Variants in MICALL2 observed in about 807,000 individuals in gnomAD.
The protein encoded by MICALL2 is MICAL like 2.
A neutral mutation model predicts 91.1 loss-of-function variants in MICALL2; 111 were observed. The observed-to-expected ratio is 1.22, with a 90% confidence interval of 1.04 to 1.43. The LOEUF is 1.43. MICALL2 is among the 40% of genes most tolerant of loss of function. The probability of loss-of-function intolerance (pLI) is 0.00; values close to 1 mark genes in which losing one functional copy is unlikely to be tolerated. For synonymous variants in MICALL2, 694 were observed against 525.3 expected, an observed-to-expected ratio of 1.32 and a Z score of -4.39; for missense variants, 1,556 against 1,236.0, an observed-to-expected ratio of 1.26 and a Z score of -3.88.
intron 15 of MICALL2, among the ~76,000 whole-genome samples, chr7:1,435,893 T>A (rs949255366): frequency 6.6e-6 from 1 of 150,706 alleles, no homozygotes; most frequent in Non-Finnish European, 1.5e-5. Flanking sequence ...CTACTAAAAA[T>A]CTAAAAAAAT....
intron 7 of MICALL2, 67 bp from the exon 8 acceptor site, chr7:1,440,751 G>C: frequency 2.2e-6 from 3 of 1,363,748 alleles, no homozygotes; most frequent in Non-Finnish European, 3.1e-6. Context: ...TGCAAGGGTG[G>C]CTGTGCCTCC....
intron 4 of MICALL2, among the ~76,000 whole-genome samples, 190 bp from the exon 5 acceptor site, chr7:1,447,018 C>A (rs1176039329): frequency 6.6e-6 from 1 of 152,144 alleles, no homozygotes; most frequent in Non-Finnish European, 1.5e-5. Context: ...CTAGCCCAGC[C>A]CTGGGGAGAG....
intron 4 of MICALL2, 27 bp downstream of exon 4, chr7:1,447,548 C>G: frequency 8.2e-7 from 1 of 1,216,680 alleles, no homozygotes; most frequent in Non-Finnish European, 1.1e-6. Context: ...CCCAGAGAAC[C>G]AGGGGGAGGG....
intron 16 of MICALL2, 121 bp downstream of exon 16, chr7:1,434,980 T>TTCCCC: frequency 3.2e-5 from 20 of 628,904 alleles, no homozygotes; most frequent in Admixed American, 4.8e-5. Flanking sequence ...GGGGACCCGA[T>TTCCCC]ACCCGCCCCC....
At position 1,445,388 on chromosome 7, in the gene MICALL2, T is replaced by C. The variant is rs765566510; in HGVS notation, c.682A>G (p.Lys228Glu). ...AAGGTGCCCGGCTCTCCTGTGGCCT[T>C]GTAGGCCCCCGAGTGCAGCGTGCAG... Reference protein sequence around the residue: ...CSCTLHSGAYKATGEPGTFVC... With the variant: ...CSCTLHSGAYEATGEPGTFVC... Residue 228 changes from lysine to glutamate, a missense_variant, in exon 6 of 17, where the codon AAG becomes GAG. Lys to Glu is a moderately conservative substitution (Grantham distance 56, BLOSUM62 1). Transcript: ENST00000297508. 45 of 1,576,360 alleles carry C rather than the reference T, an allele frequency of 2.9e-5. No individual in the cohort carries two copies. In the Admixed American group the frequency reaches 7.0e-4, roughly 24 times the overall value.
chr7:1,436,836 C>G lies in MICALL2; in HGVS notation c.2497G>C (p.Glu833Gln). Residue 833 changes from glutamate to glutamine, a missense_variant, in exon 15 of 17, where the codon GAG becomes CAG. By Grantham distance (29) the Glu-to-Gln change is conservative. Coordinates refer to ENST00000297508, the MANE Select transcript of MICALL2 (RefSeq NM_182924.4). ...AGCAGCTCCTGCTCCCGCCGCCGCT[C>G]CTGCAGTGACTTCAGAGCCTCTGTG... ...AKPEALKSLQERRREQELLEQ... is the reference protein window; with the variant it reads ...AKPEALKSLQQRRREQELLEQ... The G allele has an allele frequency of 6.2e-7, 1 of 1,601,838 alleles. No homozygotes were observed. The highest frequency in any genetic ancestry group is 8.5e-7 in the Non-Finnish European group (1 of 1,175,838).
At position 1,459,425 on chromosome 7, in the gene MICALL2, A is replaced by C; in HGVS notation, c.-99T>G. 1 of 1,181,046 alleles carries C rather than the reference A, an allele frequency of 8.5e-7. No individual in the cohort carries two copies. Among genetic ancestry groups the C allele is most frequent in the East Asian group, 3.3e-5 (1 of 30,722 alleles). The allele number at this position is 1,181,046 out of a possible 1,614,324, so 73.2% of individuals were successfully genotyped here. A position where few individuals can be genotyped will look rare whatever the true frequency, so the allele number is the denominator to read the frequency against. On this transcript the variant is annotated 5_prime_UTR_variant, in exon 1 of 17. Transcript: ENST00000297508. ...CGGCGGGACAGACGCTGGGACCGCTACGGAACCGCCAGACCCACGGCGCCC... is the reference window on the plus strand; with the variant it reads ...CGGCGGGACAGACGCTGGGACCGCTCCGGAACCGCCAGACCCACGGCGCCC...
At chr7:1,446,022 G>A (rs545816923) in intron 5 of MICALL2, among the ~76,000 whole-genome samples, 34 of 148,138 alleles carry the variant, frequency 2.3e-4, no homozygotes, top group African/African-American at 8.0e-4. Context: ...CATCTTGACG[G>A]GGGCACTGGA....
At position 1,444,998 on chromosome 7, in the gene MICALL2, C is replaced by A; in HGVS notation, c.1072G>T (p.Ala358Ser). ...WSSAAPCTAA[A>S]ASHPAVPPSA... ...GGGGGCACGGCGGGATGGGAGGCAG[C>A]CGCTGCTGTGCACGGGGCAGCTGAC... The change falls in exon 6 of 17, where the codon GCT (alanine) becomes TCT (serine). Residue 358 changes from alanine to serine, a missense_variant. Physicochemically the swap from Ala to Ser is moderately conservative, Grantham distance 99. Transcript: ENST00000297508. The A allele has an allele frequency of 1.3e-6, 2 of 1,509,696 alleles. No homozygotes were observed. Among genetic ancestry groups the A allele is most frequent in the Non-Finnish European group, 8.9e-7 (1 of 1,127,338 alleles). 93.5% of individuals were successfully genotyped at this position (1,509,696 alleles called of 1,614,324 possible).
chr7:1,456,869 A>G (rs1009387027), intron 1 of MICALL2, among the ~76,000 whole-genome samples: 2 of 152,196 alleles, frequency 1.3e-5, no homozygotes, highest in Non-Finnish European at 2.9e-5. Flanking sequence ...TCCATCAGCC[A>G]GGGTCTACAG....
rs951416645 is a variant in MICALL2 at position 1,450,184 on chromosome 7, G to T, written c.192+56C>A. 1.7e-5 allele frequency: 25 copies of T among 1,461,996 alleles called. No individual in the cohort carries two copies. The African/African-American group carries it at 3.3e-4, about 19-fold the overall frequency. 90.6% of individuals were successfully genotyped at this position (1,461,996 alleles called of 1,614,324 possible). ...GAGTCCCTCGGTCCCTCGGACGTGG[G>T]TGGGGCTCAGCAGGCTGGCTAAGCC... is the stretch of plus-strand genomic sequence containing the variant. On this transcript the variant is annotated intron_variant, in intron 2 of 16. Transcript: ENST00000297508.
At position 1,447,687 on chromosome 7, in the gene MICALL2, G is replaced by T. The variant is rs144832180; in HGVS notation, c.413C>A (p.Ala138Glu). The change falls in exon 4 of 17, where the codon GCG becomes GAG. Residue 138 changes from alanine (A) to glutamate (E), a missense_variant. Coordinates refer to ENST00000297508, the MANE Select transcript of MICALL2 (RefSeq NM_182924.4). ...TGGGGCGGGCGAGGGCAGCTTGGCC[G>T]CCTGGACTGGAGCCTTCTTCCCTGA... Reference protein sequence around the residue: ...EPSGKKAPVQAAKLPSPAPAR... With the variant: ...EPSGKKAPVQEAKLPSPAPAR... 3.2e-6 allele frequency: 5 copies of T among 1,580,800 alleles called. No individual in the cohort carries two copies. Among genetic ancestry groups the T allele is most frequent in the Non-Finnish European group, 3.4e-6 (4 of 1,164,318 alleles).
chr7:1,441,774 G>A (rs2128521060), intron 7 of MICALL2: 2 of 227,380 alleles, frequency 8.8e-6, no homozygotes, highest in South Asian at 1.2e-4. Context: ...GACACAGGGT[G>A]CCACAGCAAC....
chr7:1,445,139 C>A lies in MICALL2; in HGVS notation c.931G>T (p.Ala311Ser). The change falls in exon 6 of 17, where the codon GCC (alanine) becomes TCC (serine). Residue 311 changes from alanine to serine, a missense_variant. Coordinates refer to ENST00000297508, the MANE Select transcript of MICALL2 (RefSeq NM_182924.4). Reference sequence around the variant, plus strand: ...GGGCTCCTCACGTGGACGGACGTGGCGCTGGTGGCTGCAGGGTTGGGTGCA... The same window carrying A: ...GGGCTCCTCACGTGGACGGACGTGGAGCTGGTGGCTGCAGGGTTGGGTGCA... ...PAAPNPAATSATSVHVRSPAR... is the reference protein window; with the variant it reads ...PAAPNPAATSSTSVHVRSPAR... 5.1e-6 allele frequency: 8 copies of A among 1,566,240 alleles called. No homozygotes were observed. Among genetic ancestry groups the A allele is most frequent in the Non-Finnish European group, 6.9e-6 (8 of 1,156,552 alleles).
At chr7:1,443,079 T>C (rs903455705) in intron 6 of MICALL2, among the ~76,000 whole-genome samples, 1 of 145,400 alleles carries the variant, frequency 6.9e-6, no homozygotes, top group Admixed American at 6.8e-5. Flanking sequence ...AGTGCCTCCA[T>C]GTCCCCACCC....
intron 8 of MICALL2, 184 bp downstream of exon 8, chr7:1,440,407 G>A (rs747435297): frequency 2.6e-5 from 17 of 654,494 alleles, no homozygotes; most frequent in Non-Finnish European, 3.5e-5. Context: ...GACACGCAAC[G>A]CTGCCCCCAA....
intron 10 of MICALL2, 170 bp from the exon 11 acceptor site, chr7:1,438,523 G>C: frequency 7.0e-7 from 1 of 1,437,288 alleles, no homozygotes. Context: ...ACAGACACCT[G>C]AGTGGCCTCC....
chr7:1,449,813 AG>A (rs1396696434), intron 2 of MICALL2, among the ~76,000 whole-genome samples: 1 of 152,242 alleles, frequency 6.6e-6, no homozygotes, highest in Non-Finnish European at 1.5e-5. Context: ...TGGGGTGAGC[AG>A]GGCAGGACTG....
rs1329676213 is a variant in MICALL2, at chr7:1,436,746, G to C, written c.2587C>G (p.Leu863Val). 6.2e-7 allele frequency: 1 copy of C among 1,603,920 alleles called. No homozygotes were observed. Among genetic ancestry groups the C allele is most frequent in the Non-Finnish European group, 8.5e-7 (1 of 1,176,632 alleles). Reference sequence around the variant, plus strand: ...CCCCCGGCACCTGCCCCTCACCGGAGCCGGTCCTCGTCCAGCGAGTCCACG... The same window carrying C: ...CCCCCGGCACCTGCCCCTCACCGGACCCGGTCCTCGTCCAGCGAGTCCACG... Reference protein sequence around the residue: ...DIVDSLDEDRLREQEEDQMLR... With the variant: ...DIVDSLDEDRVREQEEDQMLR... The change falls in exon 15 of 17, where the codon CTC becomes GTC. Residue 863 changes from leucine to valine, a missense_variant. Transcript: ENST00000297508.
Sources: gnomAD v4.1 joint callset for allele counts (sites outside exome capture counted in the v4.1 genomes callset) on GRCh38, gnomAD v4.1.1 for gene constraint, MANE v1.5 for transcripts, NCBI Gene and HGNC (gene_info 2026-07-23, HGNC 2026-07-21) for gene names.